Variants in FAM222B observed in about 807,000 individuals in gnomAD.
FAM222B encodes the protein protein FAM222B.
Under a neutral mutation model 38.0 loss-of-function variants are expected in FAM222B, and 12 were observed. The observed-to-expected ratio is 0.32, with a 90% CI of 0.20 to 0.51. FAM222B has a LOEUF of 0.51. Ranked by LOEUF, FAM222B falls within the 20% of genes least tolerant of loss-of-function variation. The probability of loss-of-function intolerance (pLI) is 0.97; values close to 1 mark genes in which losing one functional copy is unlikely to be tolerated. For synonymous variants in FAM222B, 329 were observed against 317.2 expected (o/e 1.04, Z -0.40); for missense variants, 716 against 754.2 (o/e 0.95, Z 0.59).
chr17:28,787,184 A>G (rs182846512), intron 1 of FAM222B, among the ~76,000 whole-genome samples: 1 of 152,214 alleles, frequency 6.6e-6, no homozygotes, highest in Non-Finnish European at 1.5e-5. Flanking sequence ...TCGGCCTCCC[A>G]AAGTGCTGGG....
intron 1 of FAM222B, among the ~76,000 whole-genome samples, chr17:28,822,833 ATATATATATATATATAT>A (rs1403895128): frequency 3.9e-4 from 16 of 40,976 alleles, no homozygotes; most frequent in African/African-American, 2.0e-3. Context: ...AAAAAAAAAA[ATATATATATATATATAT>A]ATATATATAT....
chr17:28,835,239 C>A (rs964210211), intron 1 of FAM222B, among the ~76,000 whole-genome samples: 7 of 152,204 alleles, frequency 4.6e-5, no homozygotes, highest in Admixed American at 2.6e-4. Flanking sequence ...GTCTCACCAT[C>A]TTGGCCAGGA....
chr17:28,797,441 A>C (rs1567849760), intron 1 of FAM222B, among the ~76,000 whole-genome samples: 1 of 152,224 alleles, frequency 6.6e-6, no homozygotes. Context: ...GGGCAATTTT[A>C]AGTGAACATA....
upstream of FAM222B, among the ~76,000 whole-genome samples, chr17:28,843,442 CT>C (rs1161514672): frequency 0.011 from 951 of 86,996 alleles, 5 homozygotes; most frequent in African/African-American, 0.033. Context: ...CAGCCTGGGT[CT>C]TTTTTTTTTT....
intron 1 of FAM222B, among the ~76,000 whole-genome samples, chr17:28,807,740 A>C (rs2037560514): frequency 6.6e-6 from 1 of 152,188 alleles, no homozygotes; most frequent in Non-Finnish European, 1.5e-5. Flanking sequence ...AGATCATGAA[A>C]TCTCTAATGA....
chr17:28,793,824 C>A (rs1036187275), intron 1 of FAM222B, among the ~76,000 whole-genome samples: 1 of 150,404 alleles, frequency 6.6e-6, no homozygotes, highest in African/African-American at 2.5e-5. Flanking sequence ...GGGCTCACTG[C>A]AACCTCCACC....
At chr17:28,811,960 T>G (rs766479468) in intron 1 of FAM222B, among the ~76,000 whole-genome samples, 4 of 152,176 alleles carry the variant, frequency 2.6e-5, no homozygotes, top group Non-Finnish European at 5.9e-5. Context: ...GGGCTCCTCT[T>G]TTCTTCTCTG....
At chr17:28,804,208 C>CT (rs2037370491) in intron 1 of FAM222B, among the ~76,000 whole-genome samples, 1 of 152,078 alleles carries the variant, frequency 6.6e-6, no homozygotes, top group African/African-American at 2.4e-5. Context: ...ACACCACCAG[C>CT]TTTCCTGGTT....
At chr17:28,847,155 A>C (rs1287065514), upstream of FAM222B, among the ~76,000 whole-genome samples, 2 of 151,608 alleles carry the variant, frequency 1.3e-5, no homozygotes, top group South Asian at 2.1e-4. Context: ...CCCCAGAGGC[A>C]CAGGTTGCAG....
chr17:28,846,800 G>T (rs926655995), upstream of FAM222B, among the ~76,000 whole-genome samples: 2 of 151,984 alleles, frequency 1.3e-5, no homozygotes, highest in African/African-American at 4.8e-5. Context: ...AAAATATCTG[G>T]GGAAAGGCCA....
chr17:28,789,284 T>C (rs1401086638), intron 1 of FAM222B, among the ~76,000 whole-genome samples: 2 of 150,980 alleles, frequency 1.3e-5, no homozygotes, highest in Non-Finnish European at 3.0e-5. Context: ...TTGCAACCTC[T>C]ACCTCCTGGG....
intron 1 of FAM222B, among the ~76,000 whole-genome samples, chr17:28,853,829 C>A (rs1038412804): frequency 1.3e-5 from 2 of 151,948 alleles, no homozygotes; most frequent in Non-Finnish European, 2.9e-5. Flanking sequence ...GAGTTTCAGG[C>A]TCCAGTGAGC....
intron 1 of FAM222B, among the ~76,000 whole-genome samples, chr17:28,808,587 C>G (rs987135914): frequency 2.0e-5 from 3 of 152,296 alleles, no homozygotes; most frequent in Non-Finnish European, 4.4e-5. Flanking sequence ...ATTACAGACT[C>G]CATCAAGTCC....
At chr17:28,848,374 T>C (rs942746161) in intron 1 of FAM222B, among the ~76,000 whole-genome samples, 2 of 152,092 alleles carry the variant, frequency 1.3e-5, no homozygotes, top group African/African-American at 4.8e-5. Flanking sequence ...TGGTCTGAGT[T>C]TGCAGTAGGG....
chr17:28,813,254 A>C (rs2037884327), intron 1 of FAM222B, among the ~76,000 whole-genome samples: 2 of 151,902 alleles, frequency 1.3e-5, no homozygotes, highest in South Asian at 4.2e-4. Flanking sequence ...CCAAGATAAC[A>C]ATTCCTTTAG....
chr17:28,779,126 A>T (rs1368319845), intron 1 of FAM222B, among the ~76,000 whole-genome samples: 2 of 152,048 alleles, frequency 1.3e-5, no homozygotes, highest in African/African-American at 2.4e-5. Flanking sequence ...ATTCTTCTCA[A>T]ACTCTTCCCA....
rs115451045 is a variant in FAM222B at position 28,835,162 on chromosome 17, A to T, written c.-41+7520T>A. Among the ~76,000 whole-genome samples the T allele has an allele frequency of 3.8e-3, 583 of 151,772 alleles. 3 individuals carry two copies. Among genetic ancestry groups the T allele is most frequent in the African/African-American group, 0.014 (569 of 41,364 alleles). ...CCGGGTTCAAGCAATTCTCAATCCT[A>T]GCCTCCTGAGTAGCTGGGATTACAG... On this transcript the variant is annotated intron_variant, in intron 1 of 2. Coordinates refer to ENST00000581407, the MANE Select transcript of FAM222B (RefSeq NM_001077498.3).
intron 1 of FAM222B, among the ~76,000 whole-genome samples, chr17:28,769,082 T>G (rs929135111): frequency 6.6e-5 from 10 of 151,696 alleles, no homozygotes; most frequent in African/African-American, 2.4e-4. Context: ...CATCTCATCA[T>G]CTCTAGATGG....
intron 1 of FAM222B, among the ~76,000 whole-genome samples, chr17:28,826,003 G>C (rs1274700121): frequency 1.3e-5 from 2 of 151,228 alleles, no homozygotes; most frequent in African/African-American, 4.9e-5. Flanking sequence ...TGAACTCCTG[G>C]CCTCAAGTGA....
Sources: gnomAD v4.1 joint callset for allele counts (sites outside exome capture counted in the v4.1 genomes callset) on GRCh38, gnomAD v4.1.1 for gene constraint, MANE v1.5 for transcripts, NCBI Gene and HGNC (gene_info 2026-07-23, HGNC 2026-07-21) for gene names.